The following ST3GAL3 variants were observed in gnomAD, a reference collection of about 807,000 sequenced individuals.
ST3GAL3 encodes the protein CMP-N-acetylneuraminate-beta-1,4-galactoside alpha-2,3-sialyltransferase.
ST3GAL3 carries 21 observed loss-of-function variants against 50.1 expected under a neutral mutation model. The ratio of observed to expected loss-of-function variants is 0.42; its 90% CI spans 0.30 to 0.60. ST3GAL3 has a LOEUF of 0.60. ST3GAL3 is among the 20% of genes least tolerant of loss of function. The probability of loss-of-function intolerance (pLI) is 0.19; values close to 1 mark genes in which losing one functional copy is unlikely to be tolerated. For missense variants in ST3GAL3, 353 were observed against 489.4 expected (o/e 0.72, Z 2.63); for synonymous variants, 183 against 190.0 (o/e 0.96, Z 0.30).
At chr1:43,893,814 C>T (rs934153846) in intron 5 of ST3GAL3, among the ~76,000 whole-genome samples, 1 of 152,126 alleles carries the variant, frequency 6.6e-6, no homozygotes, top group Non-Finnish European at 1.5e-5. Context: ...CCCCTCGGCC[C>T]TGCCTCCTAG....
intron 1 of ST3GAL3, among the ~76,000 whole-genome samples, chr1:43,735,920 G>A (rs571053415): frequency 4.6e-5 from 7 of 152,322 alleles, no homozygotes; most frequent in African/African-American, 1.7e-4. Flanking sequence ...CACAATCTAG[G>A]GTAGTGATCA....
At chr1:43,845,928 C>G (rs2066179181) in intron 5 of ST3GAL3, among the ~76,000 whole-genome samples, 1 of 152,012 alleles carries the variant, frequency 6.6e-6, no homozygotes, top group East Asian at 1.9e-4. Context: ...GCTTAATTTC[C>G]TAATATTTGT....
intron 5 of ST3GAL3, among the ~76,000 whole-genome samples, chr1:43,860,307 C>T (rs1558618882): frequency 6.6e-6 from 1 of 152,192 alleles, no homozygotes; most frequent in Non-Finnish European, 1.5e-5. Flanking sequence ...GGGTAGAGCA[C>T]AGCAAACCGT....
At chr1:43,811,916 C>T (rs2154174073) in intron 3 of ST3GAL3, among the ~76,000 whole-genome samples, 1 of 152,284 alleles carries the variant, frequency 6.6e-6, no homozygotes, top group Admixed American at 6.5e-5. Flanking sequence ...TAGGGAAGGC[C>T]TTTAGAATTA....
chr1:43,721,326 C>T lies in ST3GAL3; in HGVS notation c.-31+13633C>T, dbSNP rs549178149. Among the ~76,000 whole-genome samples the T allele has an allele frequency of 2.1e-3, 241 of 117,456 alleles. 2 individuals are homozygous for T. The highest frequency in any genetic ancestry group is 7.6e-3 in the African/African-American group (233 of 30,760). 77.1% of individuals were successfully genotyped at this position (117,456 alleles called of 152,430 possible). On this transcript the variant is annotated intron_variant, in intron 1 of 11. Transcript: ENST00000347631. ...TTTTTTTTTTTTTTTTTTAATGAGA[C>T]GGAGTTTCCCTCTTGTTGCCCAGGC...
At chr1:43,837,452 A>G (rs1322053245) in intron 4 of ST3GAL3, among the ~76,000 whole-genome samples, 1 of 152,230 alleles carries the variant, frequency 6.6e-6, no homozygotes, top group South Asian at 2.1e-4. Flanking sequence ...GACAGTTCCC[A>G]CTACTGGGGA....
chr1:43,886,468 A>T (rs1317299614), intron 5 of ST3GAL3, among the ~76,000 whole-genome samples: 1 of 152,230 alleles, frequency 6.6e-6, no homozygotes, highest in Non-Finnish European at 1.5e-5. Context: ...GTATCACAAC[A>T]TCACTTTGTA....
chr1:43,743,523 G>A (rs1682019971), intron 2 of ST3GAL3: 1 of 429,328 alleles, frequency 2.3e-6, no homozygotes, highest in South Asian at 1.7e-5. Flanking sequence ...CTGTGGTGCA[G>A]TTTAAGATTA....
Position 43,731,916 on chromosome 1 carries a change from G to A in ST3GAL3, c.-30-4317G>A, listed in dbSNP as rs1002823466. Among the ~76,000 whole-genome samples the A allele has an allele frequency of 3.9e-5, 6 of 152,036 alleles. No homozygotes were observed. In the East Asian group the frequency reaches 1.2e-3, roughly 29 times the overall value. Reference sequence around the variant, plus strand: ...TGGTTTAGAATTCCTGGGCTCAAGTGATCAACCAGCCTCAGCCTCCCAAAG... The same window carrying A: ...TGGTTTAGAATTCCTGGGCTCAAGTAATCAACCAGCCTCAGCCTCCCAAAG... On this transcript the variant is annotated intron_variant, in intron 1 of 11. Transcript: ENST00000347631.
At chr1:43,760,861 G>T (rs1458430506) in intron 2 of ST3GAL3, among the ~76,000 whole-genome samples, 3 of 152,134 alleles carry the variant, frequency 2.0e-5, no homozygotes, top group African/African-American at 7.2e-5. Flanking sequence ...ATAAAATGTG[G>T]TATATCCAAA....
chr1:43,769,644 T>C (rs1469727104), intron 2 of ST3GAL3, among the ~76,000 whole-genome samples: 1 of 152,226 alleles, frequency 6.6e-6, no homozygotes, highest in Non-Finnish European at 1.5e-5. Flanking sequence ...GTGAAGGTGC[T>C]GGACTAGATG....
In ST3GAL3 at chr1:43,728,824, AAC is replaced by A. The variant is rs1436853107; in HGVS notation, c.-30-7403_-30-7402del. On this transcript the variant is annotated intron_variant, in intron 1 of 11. Transcript: ENST00000347631. ...TTTATTTTTATGTCTTTGTATATAT[AAC>A]ACACATATATACACATATGTATACA... 2.0e-5 allele frequency among the ~76,000 whole-genome samples: 3 copies of A among 152,310 alleles called. No homozygotes were observed. The South Asian group carries it at 6.2e-4, about 32-fold the overall frequency.
intron 2 of ST3GAL3, among the ~76,000 whole-genome samples, chr1:43,774,695 A>C (rs970489758): frequency 6.6e-6 from 1 of 152,210 alleles, no homozygotes; most frequent in Non-Finnish European, 1.5e-5. Flanking sequence ...CATTTGGAAA[A>C]GTGAGTGGTA....
At chr1:43,760,333 T>G (rs6665014) in intron 2 of ST3GAL3, among the ~76,000 whole-genome samples, 122,244 of 152,228 alleles carry the variant, frequency 0.8, 49,916 homozygotes, top group African/African-American at 0.94. Flanking sequence ...AGTCAGTAGA[T>G]ATATTAACAA....
chr1:43,921,947 C>A (rs2083097782), intron 11 of ST3GAL3: 1 of 395,370 alleles, frequency 2.5e-6, no homozygotes, highest in African/African-American at 2.1e-5. Context: ...CTCAGAAACA[C>A]TTTTCGTGTT....
intron 5 of ST3GAL3, among the ~76,000 whole-genome samples, chr1:43,861,235 C>T (rs1424356517): frequency 6.6e-6 from 1 of 152,192 alleles, no homozygotes; most frequent in Non-Finnish European, 1.5e-5. Flanking sequence ...CATCAGCCTC[C>T]TTATCTGCAA....
At chr1:43,807,063 T>G in intron 3 of ST3GAL3, among the ~76,000 whole-genome samples, 1 of 152,166 alleles carries the variant, frequency 6.6e-6, no homozygotes, top group East Asian at 1.9e-4. Context: ...TGGAGAAAGA[T>G]AAAACAGTTC....
At chr1:43,800,419 C>T (rs2059182395) in intron 3 of ST3GAL3, among the ~76,000 whole-genome samples, 1 of 152,228 alleles carries the variant, frequency 6.6e-6, no homozygotes, top group South Asian at 2.1e-4. Flanking sequence ...TCTTTTGACT[C>T]CCATGATTCA....
At chr1:43,912,776 C>T (rs1055351669) in intron 9 of ST3GAL3, 1 of 152,228 alleles carries the variant, frequency 6.6e-6, no homozygotes, top group Admixed American at 6.5e-5. Flanking sequence ...CCTGGATGTT[C>T]TGACAAGAGC....
Sources: allele counts gnomAD v4.1 joint callset (sites outside exome capture counted in the v4.1 genomes callset), GRCh38; gene constraint gnomAD v4.1.1; transcripts MANE v1.5; gene names NCBI Gene and HGNC (gene_info 2026-07-23, HGNC 2026-07-21).